The following ATL2 variants were observed in gnomAD, a reference collection of about 807,000 sequenced individuals.
ATL2 encodes the protein atlastin-2.
A neutral mutation model predicts 73.9 loss-of-function variants in ATL2; 31 were observed. The observed-to-expected ratio is 0.42, with a 90% confidence interval of 0.32 to 0.57. The LOEUF (loss-of-function observed/expected upper bound fraction) is 0.57. ATL2 is among the 20% of genes least tolerant of loss of function. ATL2 has a pLI of 0.14. For missense variants in ATL2, 738 were observed against 702.6 expected, an observed-to-expected ratio of 1.05 and a Z score of -0.57; for synonymous variants, 291 against 237.5, an observed-to-expected ratio of 1.23 and a Z score of -2.07.
chr2:38,328,632 G>C (rs901841474), intron 2 of ATL2, among the ~76,000 whole-genome samples: 1 of 151,750 alleles, frequency 6.6e-6, no homozygotes, highest in African/African-American at 2.4e-5. Context: ...TTGAACTAAA[G>C]GAAAATGAAA....
chr2:38,297,996 T>C (rs1666984509), intron 12 of ATL2, 148 bp downstream of exon 12: 1 of 739,868 alleles, frequency 1.4e-6, no homozygotes. Context: ...AATCTTCAAT[T>C]CATAAAGATT....
At chr2:38,303,117 A>G (rs1296130390) in intron 9 of ATL2, among the ~76,000 whole-genome samples, 4 of 152,174 alleles carry the variant, frequency 2.6e-5, no homozygotes, top group Admixed American at 1.3e-4. Context: ...TAAAGTGAAC[A>G]AAGAGACTGA....
rs1472656685 is a variant in ATL2 at position 38,377,156 on chromosome 2, G to C, written c.105C>G (p.Ser35=). 2 of 1,610,616 alleles carry C rather than the reference G, an allele frequency of 1.2e-6. No individual in the cohort carries two copies. Among genetic ancestry groups the C allele is most frequent in the Non-Finnish European group, 1.7e-6 (2 of 1,179,386 alleles). ...DPSAAVNHVS[S]TTSLGENYED... ...GCTGGCCCGTACCTAGGGAGGTCGT[G>C]GACGAGACGTGGTTAACCGCGGCGC... Residue 35 remains serine (S), a synonymous_variant, in exon 1 of 13, where the codon TCC becomes TCG. Coordinates refer to ENST00000378954, the MANE Select transcript of ATL2 (RefSeq NM_001135673.4).
chr2:38,376,139 A>T (rs766423279), intron 1 of ATL2: 3 of 1,532,448 alleles, frequency 2.0e-6, no homozygotes, highest in Non-Finnish European at 2.6e-6. Flanking sequence ...TTTACTATTT[A>T]TAAGCCTTTG....
At chr2:38,334,759 A>C (rs2148468075) in intron 2 of ATL2, among the ~76,000 whole-genome samples, 1 of 150,030 alleles carries the variant, frequency 6.7e-6, no homozygotes, top group East Asian at 2.0e-4. Context: ...ATTGGCAAAA[A>C]TAATAATATA....
chr2:38,360,738 T>C (rs28510670), intron 1 of ATL2, among the ~76,000 whole-genome samples: 18,598 of 152,114 alleles, frequency 0.12, 3,364 homozygotes, highest in African/African-American at 0.4. Flanking sequence ...GGTACTTTTT[T>C]GGGGGGAAAT....
At chr2:38,377,367 CGCCTGT>C (rs1431072757), upstream of ATL2, 12 of 851,026 alleles carry the variant, frequency 1.4e-5, no homozygotes, top group African/African-American at 2.2e-4. Flanking sequence ...CGCCGCTCTC[CGCCTGT>C]ATCTCCTCGC....
chr2:38,373,354 C>T (rs767065661), intron 1 of ATL2, among the ~76,000 whole-genome samples: 11 of 152,162 alleles, frequency 7.2e-5, no homozygotes, highest in Admixed American at 1.3e-4. Flanking sequence ...ATCCAGCTAG[C>T]CTCTAAGTGG....
intron 1 of ATL2, among the ~76,000 whole-genome samples, chr2:38,370,585 A>G (rs1671629326): frequency 1.3e-5 from 2 of 151,914 alleles, no homozygotes; most frequent in South Asian, 4.1e-4. Flanking sequence ...AGCCTGACCA[A>G]CGTGGTAAGA....
chr2:38,317,626 A>C (rs1668095500), intron 4 of ATL2, among the ~76,000 whole-genome samples: 1 of 152,212 alleles, frequency 6.6e-6, no homozygotes, highest in Non-Finnish European at 1.5e-5. Flanking sequence ...CCTTTAGTTC[A>C]AATAACTGAG....
chr2:38,340,240 T>C (rs1259618626), intron 2 of ATL2, among the ~76,000 whole-genome samples: 1 of 146,672 alleles, frequency 6.8e-6, no homozygotes, highest in Non-Finnish European at 1.5e-5. Context: ...TATTTTCATC[T>C]GGATGGTGGT....
At chr2:38,318,276 G>A (rs554699982) in intron 4 of ATL2, 4 of 275,314 alleles carry the variant, frequency 1.5e-5, no homozygotes, top group South Asian at 3.0e-4. Context: ...TCAGGAGTTC[G>A]AGACCAGCCT....
intron 7 of ATL2, among the ~76,000 whole-genome samples, 181 bp from the exon 8 acceptor site, chr2:38,310,628 AC>A (rs1667706850): frequency 9.4e-6 from 1 of 106,016 alleles, no homozygotes; most frequent in African/African-American, 3.7e-5. Context: ...TTAAGACCCC[AC>A]TTTTTTTTTT....
intron 6 of ATL2, among the ~76,000 whole-genome samples, chr2:38,313,606 T>A (rs1190727228): frequency 6.6e-6 from 1 of 152,206 alleles, no homozygotes; most frequent in Non-Finnish European, 1.5e-5. Flanking sequence ...CTATCTAGAC[T>A]GATTATAGAT....
intron 1 of ATL2, among the ~76,000 whole-genome samples, chr2:38,368,010 C>G (rs1159983105): frequency 1.3e-5 from 2 of 151,238 alleles, no homozygotes; most frequent in East Asian, 2.0e-4. Context: ...TCTCGGCTCA[C>G]TGCAAGCTCC....
chr2:38,329,050 A>C (rs1668827839), intron 2 of ATL2, among the ~76,000 whole-genome samples: 2 of 151,690 alleles, frequency 1.3e-5, no homozygotes, highest in African/African-American at 4.8e-5. Flanking sequence ...AAAGTTAGTA[A>C]CTTAGTTGAA....
intron 2 of ATL2, among the ~76,000 whole-genome samples, chr2:38,331,523 C>G (rs1327629218): frequency 6.8e-6 from 1 of 147,410 alleles, no homozygotes; most frequent in African/African-American, 2.5e-5. Context: ...AGCAGGAGAA[C>G]TGCTTCAACC....
At chr2:38,337,860 C>CT (rs1669464608) in intron 2 of ATL2, among the ~76,000 whole-genome samples, 1 of 152,030 alleles carries the variant, frequency 6.6e-6, no homozygotes, top group South Asian at 2.1e-4. Flanking sequence ...AAAGTAGAAG[C>CT]AACTCCATAG....
At chr2:38,311,631 T>TA (rs1667759619) in intron 7 of ATL2, among the ~76,000 whole-genome samples, 1 of 152,144 alleles carries the variant, frequency 6.6e-6, no homozygotes, top group African/African-American at 2.4e-5. Context: ...TCCATCCACA[T>TA]AAAGTACAAA....
Sources: gnomAD v4.1 joint callset for allele counts (sites outside exome capture counted in the v4.1 genomes callset) on GRCh38, gnomAD v4.1.1 for gene constraint, MANE v1.5 for transcripts, NCBI Gene and HGNC (gene_info 2026-07-23, HGNC 2026-07-21) for gene names.